Variants in SLCO6A1 observed in about 807,000 individuals in gnomAD.
SLCO6A1 encodes solute carrier organic anion transporter family member 6A1.
SLCO6A1 carries 65 observed loss-of-function variants against 72.7 expected under a neutral mutation model. That is an observed-to-expected ratio of 0.89 (90% CI 0.73 to 1.10). The LOEUF is 1.10. Ranked by LOEUF, SLCO6A1 falls within the 50% of genes least tolerant of loss-of-function variation. The pLI, the probability that SLCO6A1 is intolerant of heterozygous loss-of-function variation, is 0.00. For synonymous variants in SLCO6A1, 314 were observed against 298.2 expected (o/e 1.05, Z -0.55); for missense variants, 874 against 872.6 (o/e 1.00, Z -0.02).
intron 6 of SLCO6A1, among the ~76,000 whole-genome samples, chr5:102,456,935 A>G (rs1750754158): frequency 6.6e-6 from 1 of 152,214 alleles, no homozygotes; most frequent in East Asian, 1.9e-4. Context: ...CAGAGCCCTC[A>G]GAAATAATGC....
intron 7 of SLCO6A1, among the ~76,000 whole-genome samples, chr5:102,423,262 C>T (rs1006155086): frequency 6.6e-6 from 1 of 152,098 alleles, no homozygotes; most frequent in Admixed American, 6.6e-5. Context: ...GGATCAAATT[C>T]GCACATAACA....
chr5:102,399,620 A>G lies in SLCO6A1; in HGVS notation c.1749T>C (p.Ala583=), dbSNP rs1747288478. The G allele has an allele frequency of 1.2e-6, 2 of 1,606,212 alleles. No individual in the cohort carries two copies. The highest frequency in any genetic ancestry group is 1.7e-6 in the Non-Finnish European group (2 of 1,174,940). ...AKCYKLPLFI[A]FIFSTLIFSG... The stretch of plus-strand genomic sequence containing the variant: ...AAAATATAAGTGTAGAAAAGATAAA[A>G]GCAATGAACAAAGGTAACTTATAGC... The change falls in exon 10 of 14, where the codon GCT becomes GCC. Residue 583 remains alanine (A), a synonymous_variant. Coordinates refer to ENST00000506729, the MANE Select transcript of SLCO6A1 (RefSeq NM_173488.5).
rs546436955 is a variant in SLCO6A1 at position 102,456,898 on chromosome 5, A to G, written c.1131+1484T>C. On this transcript the variant is annotated intron_variant, in intron 6 of 13. Transcript: ENST00000506729. ...AAAACAGCATGGTACTGGTACCAAA[A>G]CAGAGATATAGACCAATGGAACAGA... 1.3e-4 allele frequency among the ~76,000 whole-genome samples: 20 copies of G among 152,324 alleles called. No homozygotes were observed. In the South Asian group the frequency reaches 4.1e-3, roughly 32 times the overall value.
At chr5:102,389,601 T>A (rs1057100987) in intron 11 of SLCO6A1, among the ~76,000 whole-genome samples, 3 of 149,250 alleles carry the variant, frequency 2.0e-5, no homozygotes, top group African/African-American at 5.0e-5. Context: ...TTATCTAGAT[T>A]CGCTCCTCTT....
At chr5:102,483,857 C>T (rs572206342) in intron 1 of SLCO6A1, among the ~76,000 whole-genome samples, 1 of 152,136 alleles carries the variant, frequency 6.6e-6, no homozygotes, top group African/African-American at 2.4e-5. Flanking sequence ...TCTTTTTTCT[C>T]AAATCAATGC....
intron 6 of SLCO6A1, 60 bp from the exon 7 acceptor site, chr5:102,438,821 CAGAACCAAATGCTAATGAT>C: frequency 8.0e-7 from 1 of 1,243,132 alleles, no homozygotes; most frequent in Non-Finnish European, 1.1e-6. Context: ...GAGGAATAGA[CAGAACCAAATGCTAATGAT>C]CTGTCTACAA....
chr5:102,475,099 G>T (rs1321204047), intron 4 of SLCO6A1, among the ~76,000 whole-genome samples: 1 of 151,872 alleles, frequency 6.6e-6, no homozygotes, highest in African/African-American at 2.4e-5. Flanking sequence ...ATATACAAAA[G>T]AATTGACAAC....
At chr5:102,430,157 C>A (rs1379250652) in intron 7 of SLCO6A1, among the ~76,000 whole-genome samples, 2 of 152,110 alleles carry the variant, frequency 1.3e-5, no homozygotes, top group East Asian at 1.9e-4. Context: ...GATTTTGTAT[C>A]CAGAAACTTT....
intron 1 of SLCO6A1, among the ~76,000 whole-genome samples, chr5:102,491,182 A>T (rs1281176737): frequency 6.6e-6 from 1 of 152,174 alleles, no homozygotes; most frequent in Non-Finnish European, 1.5e-5. Context: ...TGCATTCACA[A>T]ACCCTGAGCT....
chr5:102,381,597 T>G (rs903545224), intron 12 of SLCO6A1, among the ~76,000 whole-genome samples: 25 of 151,806 alleles, frequency 1.6e-4, no homozygotes, highest in African/African-American at 5.8e-4. Context: ...CACCCAGTAG[T>G]GAGATTGCTG....
At chr5:102,495,143 A>C (rs1036633022) in intron 1 of SLCO6A1, among the ~76,000 whole-genome samples, 1 of 147,724 alleles carries the variant, frequency 6.8e-6, no homozygotes, top group African/African-American at 2.5e-5. Context: ...GAAACAAAAA[A>C]ACCAGAAACT....
intron 2 of SLCO6A1, 34 bp downstream of exon 2, chr5:102,480,143 A>G (rs1752112257): frequency 6.5e-7 from 1 of 1,540,712 alleles, no homozygotes; most frequent in Non-Finnish European, 8.8e-7. Flanking sequence ...ATGAATATTG[A>G]TTTGATGTAT....
Position 102,373,965 on chromosome 5 carries a change from A to G in SLCO6A1, c.2018-471T>C, listed in dbSNP as rs534612239. Among the ~76,000 whole-genome samples, 24 of 152,300 alleles carry G rather than the reference A, an allele frequency of 1.6e-4. No homozygotes were observed. The South Asian group carries it at 5.0e-3, about 32-fold the overall frequency. ...AAAGTTAATACATTACAACATTACA[A>G]GCATTATACAAATGTACTTGAATAT... On this transcript the variant is annotated intron_variant, in intron 12 of 13. Coordinates refer to ENST00000506729, the MANE Select transcript of SLCO6A1 (RefSeq NM_173488.5).
intron 7 of SLCO6A1, among the ~76,000 whole-genome samples, chr5:102,435,665 G>A (rs1420187357): frequency 2.6e-5 from 4 of 152,062 alleles, no homozygotes; most frequent in African/African-American, 4.8e-5. Context: ...ACCTGATGTC[G>A]GGAGTTCGCG....
chr5:102,436,131 A>G (rs957439351), intron 7 of SLCO6A1, among the ~76,000 whole-genome samples: 3 of 152,228 alleles, frequency 2.0e-5, no homozygotes, highest in African/African-American at 7.2e-5. Context: ...CTTTACAGTA[A>G]GAATACTGTA....
At chr5:102,478,489 A>G (rs1194237310) in intron 2 of SLCO6A1, among the ~76,000 whole-genome samples, 3 of 152,110 alleles carry the variant, frequency 2.0e-5, no homozygotes, top group Non-Finnish European at 4.4e-5. Context: ...CCCATTTTAG[A>G]CTCACTAACT....
chr5:102,403,354 C>T (rs943174114), intron 9 of SLCO6A1, among the ~76,000 whole-genome samples: 6 of 151,966 alleles, frequency 3.9e-5, no homozygotes, highest in African/African-American at 1.4e-4. Context: ...AATTTTGTTA[C>T]TTTTCATTAT....
intron 13 of SLCO6A1, 118 bp downstream of exon 13, chr5:102,373,219 A>G (rs1750721347): frequency 1.6e-6 from 1 of 609,898 alleles, no homozygotes; most frequent in Admixed American, 4.6e-5. Context: ...CTCAAAATAT[A>G]ATAAAATATA....
chr5:102,449,774 T>A (rs1265692697), intron 6 of SLCO6A1, among the ~76,000 whole-genome samples: 1 of 152,226 alleles, frequency 6.6e-6, no homozygotes, highest in African/African-American at 2.4e-5. Flanking sequence ...TTTCTCCCTG[T>A]CTTTCAGGGA....
Sources: gnomAD v4.1 joint callset for allele counts (sites outside exome capture counted in the v4.1 genomes callset) on GRCh38, gnomAD v4.1.1 for gene constraint, MANE v1.5 for transcripts, NCBI Gene and HGNC (gene_info 2026-07-23, HGNC 2026-07-21) for gene names.